LRRTM4: variants seen among roughly 807,000 people sequenced by gnomAD.
LRRTM4 encodes leucine rich repeat transmembrane neuronal 4.
Under a neutral mutation model 47.6 loss-of-function variants are expected in LRRTM4, and 25 were observed. That is an observed-to-expected ratio of 0.53 (90% CI 0.38 to 0.73). The LOEUF is 0.73. LRRTM4 is among the 30% of genes least tolerant of loss of function. The pLI, the probability that LRRTM4 is intolerant of heterozygous loss-of-function variation, is 0.00. For missense variants in LRRTM4, 638 were observed against 713.4 expected (o/e 0.89, Z 1.20); for synonymous variants, 311 against 269.5 (o/e 1.15, Z -1.51).
At chr2:77,196,019 C>T (rs868177000) in intron 3 of LRRTM4, among the ~76,000 whole-genome samples, 2 of 152,042 alleles carry the variant, frequency 1.3e-5, no homozygotes, top group South Asian at 4.1e-4. Flanking sequence ...CTCATTATTG[C>T]CCTCCAATGA....
chr2:76,910,081 G>A (rs915976961), intron 3 of LRRTM4, among the ~76,000 whole-genome samples: 1 of 152,064 alleles, frequency 6.6e-6, no homozygotes, highest in African/African-American at 2.4e-5. Context: ...CAATAGCAAA[G>A]ACTTGGAACC....
chr2:76,908,168 G>C (rs905267550), intron 3 of LRRTM4, among the ~76,000 whole-genome samples: 6 of 149,392 alleles, frequency 4.0e-5, no homozygotes, highest in South Asian at 2.1e-4. Context: ...CTTCATCCCT[G>C]GGATGCAAGG....
intron 3 of LRRTM4, among the ~76,000 whole-genome samples, chr2:77,193,078 G>T (rs956321633): frequency 9.9e-5 from 15 of 152,136 alleles, no homozygotes; most frequent in African/African-American, 3.6e-4. Flanking sequence ...CATAGCCATT[G>T]TGCCTTTGTG....
intron 3 of LRRTM4, among the ~76,000 whole-genome samples, chr2:77,044,130 T>G (rs1159674330): frequency 6.6e-6 from 1 of 151,802 alleles, no homozygotes. Context: ...ATTATTTAAA[T>G]GACTGCTCTT....
chr2:76,872,529 G>A (rs1672652821), intron 3 of LRRTM4, among the ~76,000 whole-genome samples: 1 of 151,798 alleles, frequency 6.6e-6, no homozygotes, highest in Non-Finnish European at 1.5e-5. Flanking sequence ...GGTTCTGCAG[G>A]TCAGAGATGG....
intron 3 of LRRTM4, among the ~76,000 whole-genome samples, chr2:76,936,954 C>CAAAAAAAAAAAAAAAAAAAAAAAAAA (rs56140303): frequency 1.8e-4 from 4 of 22,692 alleles, no homozygotes; most frequent in East Asian, 1.2e-3. Flanking sequence ...GACTCCATCT[C>CAAAAAAAAAAAAAAAAAAAAAAAAAA]AAAAAAAAAA....
chr2:76,813,233 A>G (rs1256743312), intron 3 of LRRTM4, among the ~76,000 whole-genome samples: 1 of 152,182 alleles, frequency 6.6e-6, no homozygotes, highest in Non-Finnish European at 1.5e-5. Flanking sequence ...TTTCATTTGG[A>G]AAGGTATACC....
At chr2:76,895,867 C>A (rs1673400550) in intron 3 of LRRTM4, among the ~76,000 whole-genome samples, 1 of 152,000 alleles carries the variant, frequency 6.6e-6, no homozygotes, top group Non-Finnish European at 1.5e-5. Flanking sequence ...AATTAATCTT[C>A]TTCTTTTCTT....
chr2:76,836,583 A>G (rs1671520739), intron 3 of LRRTM4, among the ~76,000 whole-genome samples: 3 of 152,172 alleles, frequency 2.0e-5, no homozygotes, highest in Middle Eastern at 3.4e-3. Context: ...GTTAATGAAC[A>G]GTTATACAAC....
chr2:76,916,384 C>CAAAAAAAAAAAAAAAA (rs57874749), intron 3 of LRRTM4, among the ~76,000 whole-genome samples: 17 of 53,492 alleles, frequency 3.2e-4, no homozygotes, highest in African/African-American at 5.6e-4. Flanking sequence ...GACTGTGTCT[C>CAAAAAAAAAAAAAAAA]AAAAAAAAAA....
At chr2:77,442,350 AG>A (rs1164916886) in intron 3 of LRRTM4, among the ~76,000 whole-genome samples, 2 of 152,214 alleles carry the variant, frequency 1.3e-5, no homozygotes, top group Non-Finnish European at 2.9e-5. Context: ...TATATAAAAA[AG>A]TAGTGAGTCT....
intron 3 of LRRTM4, among the ~76,000 whole-genome samples, chr2:77,325,415 T>C (rs903854870): frequency 6.6e-6 from 1 of 152,124 alleles, no homozygotes; most frequent in East Asian, 1.9e-4. Flanking sequence ...ACAAACCAAG[T>C]AGAGATGTCA....
chr2:77,084,793 A>G (rs1328892520), intron 3 of LRRTM4, among the ~76,000 whole-genome samples: 1 of 152,234 alleles, frequency 6.6e-6, no homozygotes, highest in Non-Finnish European at 1.5e-5. Context: ...CTCTGCATAG[A>G]TGAAGATATA....
intron 3 of LRRTM4, among the ~76,000 whole-genome samples, chr2:77,413,586 T>A (rs1674522305): frequency 6.6e-6 from 1 of 152,148 alleles, no homozygotes; most frequent in Admixed American, 6.5e-5. Context: ...GGAGAAAATT[T>A]TACCTAAATG....
intron 3 of LRRTM4, among the ~76,000 whole-genome samples, chr2:77,083,954 G>A (rs1428181168): frequency 4.0e-5 from 6 of 151,316 alleles, no homozygotes; most frequent in South Asian, 2.1e-4. Flanking sequence ...ACAGGCGCCC[G>A]CCACTGCGCC....
chr2:76,823,858 TTAAAAA>T (rs1461197618), intron 3 of LRRTM4, among the ~76,000 whole-genome samples: 4 of 151,560 alleles, frequency 2.6e-5, no homozygotes, highest in African/African-American at 7.2e-5. Context: ...AAAATAGCAC[TTAAAAA>T]TAAAACATAA....
chr2:76,794,843 T>A (rs1675182043), intron 3 of LRRTM4, among the ~76,000 whole-genome samples: 2 of 151,562 alleles, frequency 1.3e-5, no homozygotes, highest in Non-Finnish European at 3.0e-5. Flanking sequence ...ACCCTACTTA[T>A]TGCCATAGGT....
chr2:77,339,836 T>C (rs962076723), intron 3 of LRRTM4, among the ~76,000 whole-genome samples: 2 of 151,924 alleles, frequency 1.3e-5, no homozygotes, highest in Non-Finnish European at 2.9e-5. Flanking sequence ...AAAGGTTGTA[T>C]CAGGGGAAGC....
chr2:76,847,707 T>G (rs180969104), intron 3 of LRRTM4, among the ~76,000 whole-genome samples: 1 of 150,102 alleles, frequency 6.7e-6, no homozygotes, highest in Non-Finnish European at 1.5e-5. Flanking sequence ...AAACATTCCA[T>G]AGACACTCAC....
Sources: allele counts gnomAD v4.1 joint callset (sites outside exome capture counted in the v4.1 genomes callset), GRCh38; gene constraint gnomAD v4.1.1; transcripts MANE v1.5; gene names NCBI Gene and HGNC (gene_info 2026-07-23, HGNC 2026-07-21).